Variants in WLS observed in about 807,000 individuals in gnomAD.
WLS encodes protein wntless homolog.
WLS carries 23 observed loss-of-function variants against 62.8 expected under a neutral mutation model. That is an observed-to-expected ratio of 0.37 (90% CI 0.26 to 0.52). The LOEUF (loss-of-function observed/expected upper bound fraction) is 0.52, where lower values mean the gene tolerates loss of function less well. Among genes scored for constraint, WLS ranks in the 20% least tolerant of loss-of-function variants. The probability of loss-of-function intolerance (pLI) is 0.92; values close to 1 mark genes in which losing one functional copy is unlikely to be tolerated. For synonymous variants in WLS, 246 were observed against 244.1 expected (o/e 1.01, Z -0.07); for missense variants, 615 against 697.3 (o/e 0.88, Z 1.33).
In WLS at chr1:68,197,692, A is replaced by G. The variant is rs149046697; in HGVS notation, c.107-3465T>C. On this transcript the variant is annotated intron_variant, in intron 1 of 11. Coordinates refer to ENST00000262348, the MANE Select transcript of WLS (RefSeq NM_024911.7). ...ATAGACAGCATTATCACGTAAACCA[A>G]AAGCAAAGCTTACAGCTGGTAGCTG... is the stretch of plus-strand genomic sequence containing the variant. Among the ~76,000 whole-genome samples the G allele has an allele frequency of 5.0e-4, 76 of 152,302 alleles. No individual in the cohort carries two copies. In the East Asian group the frequency reaches 0.013, roughly 27 times the overall value.
intron 2 of WLS, among the ~76,000 whole-genome samples, chr1:68,181,781 T>C (rs1273871779): frequency 6.6e-6 from 1 of 152,212 alleles, no homozygotes; most frequent in Non-Finnish European, 1.5e-5. Flanking sequence ...ATTAGTGCTT[T>C]AACTTGGGTC....
At chr1:68,154,952 C>A in intron 4 of WLS, 147 bp downstream of exon 4, 1 of 891,800 alleles carries the variant, frequency 1.1e-6, no homozygotes, top group Non-Finnish European at 1.7e-6. Flanking sequence ...TAATCTCTCA[C>A]ACAAATTAGT....
intron 11 of WLS, among the ~76,000 whole-genome samples, chr1:68,102,155 T>A (rs1475075539): frequency 6.6e-6 from 1 of 152,190 alleles, no homozygotes; most frequent in Non-Finnish European, 1.5e-5. Flanking sequence ...CCCTCCTCCC[T>A]GTGTTAGAGG....
At chr1:68,140,552 C>T (rs1394440222) in intron 10 of WLS, among the ~76,000 whole-genome samples, 1 of 152,124 alleles carries the variant, frequency 6.6e-6, no homozygotes, top group Non-Finnish European at 1.5e-5. Context: ...ATGAGATGCC[C>T]ATAGTATGAG....
At chr1:68,173,819 A>G (rs1246591462) in intron 2 of WLS, among the ~76,000 whole-genome samples, 2 of 152,178 alleles carry the variant, frequency 1.3e-5, no homozygotes, top group Admixed American at 6.5e-5. Flanking sequence ...TGACTTCTTC[A>G]TACATCCCCT....
At chr1:68,150,156 TAC>T in intron 6 of WLS, 30 bp downstream of exon 6, 1 of 1,608,614 alleles carries the variant, frequency 6.2e-7, no homozygotes, top group Non-Finnish European at 8.5e-7. Context: ...GAGCAGCTGG[TAC>T]AGACGTCTGT....
At chr1:68,229,572 C>T (rs1195775723) in intron 1 of WLS, among the ~76,000 whole-genome samples, 1 of 152,202 alleles carries the variant, frequency 6.6e-6, no homozygotes, top group African/African-American at 2.4e-5. Flanking sequence ...ACTACTGTCT[C>T]CGCTTGCCCA....
intron 11 of WLS, among the ~76,000 whole-genome samples, chr1:68,107,357 CAG>C (rs1042059453): frequency 4.0e-5 from 6 of 151,490 alleles, no homozygotes; most frequent in Non-Finnish European, 5.9e-5. Flanking sequence ...TTTTTATTGT[CAG>C]AGAGCAAAAG....
intron 10 of WLS, among the ~76,000 whole-genome samples, chr1:68,143,642 G>A (rs1323891896): frequency 2.0e-5 from 3 of 152,174 alleles, no homozygotes; most frequent in Non-Finnish European, 4.4e-5. Flanking sequence ...GGAGCAATAG[G>A]TTACACCATA....
intron 11 of WLS, among the ~76,000 whole-genome samples, chr1:68,114,844 TG>T (rs539941080): frequency 4.3e-4 from 66 of 152,334 alleles, no homozygotes; most frequent in African/African-American, 1.5e-3. Flanking sequence ...GAACCCCCTC[TG>T]GGGGTGCCAC....
chr1:68,232,149 C>G (rs957877906), intron 1 of WLS, 45 bp downstream of exon 1: 3 of 1,612,242 alleles, frequency 1.9e-6, no homozygotes, highest in African/African-American at 1.3e-5. Context: ...GGAAGGGGCC[C>G]GAAAAGACAG....
rs1243012730 is a variant in WLS, at chr1:68,196,153, AAAT to A, written c.107-1929_107-1927del. Among the ~76,000 whole-genome samples, 5 of 151,242 alleles carry A rather than the reference AAAT, an allele frequency of 3.3e-5. No individual in the cohort carries two copies. In the East Asian group the frequency reaches 9.6e-4, roughly 29 times the overall value. On this transcript the variant is annotated intron_variant, in intron 1 of 11. Coordinates refer to ENST00000262348, the MANE Select transcript of WLS (RefSeq NM_024911.7). Reference sequence around the variant, plus strand: ...ATATTGAAGATTAAATTAAATTTATAAATAATAAATATATAATAATAAATTAAT... The same window carrying A: ...ATATTGAAGATTAAATTAAATTTATAAATAAATATATAATAATAAATTAAT...
At chr1:68,207,857 C>T (rs1649348676) in intron 1 of WLS, among the ~76,000 whole-genome samples, 1 of 152,162 alleles carries the variant, frequency 6.6e-6, no homozygotes, top group Admixed American at 6.5e-5. Context: ...ATAGTGAAGC[C>T]TTAATGAATG....
At chr1:68,107,503 C>G (rs569245022) in intron 11 of WLS, among the ~76,000 whole-genome samples, 1 of 152,312 alleles carries the variant, frequency 6.6e-6, no homozygotes, top group East Asian at 1.9e-4. Context: ...AGCTCAACCT[C>G]TTTGCCTCAG....
intron 2 of WLS, among the ~76,000 whole-genome samples, chr1:68,171,540 T>C (rs1237550872): frequency 6.6e-6 from 1 of 152,140 alleles, no homozygotes; most frequent in Non-Finnish European, 1.5e-5. Context: ...AAGATTCTAA[T>C]GCAGCCAACA....
chr1:68,214,009 A>G (rs1235251720), intron 1 of WLS, among the ~76,000 whole-genome samples: 3 of 152,082 alleles, frequency 2.0e-5, no homozygotes, highest in South Asian at 4.1e-4. Flanking sequence ...TGCCTTCAGG[A>G]TCTTCATTTC....
chr1:68,162,952 C>G, intron 2 of WLS: 1 of 1,591,262 alleles, frequency 6.3e-7, no homozygotes, highest in Non-Finnish European at 8.6e-7. Context: ...ATGGGCATCT[C>G]CACAGTGCAG....
At chr1:68,158,398 C>T (rs534384837) in intron 3 of WLS, among the ~76,000 whole-genome samples, 32 of 152,216 alleles carry the variant, frequency 2.1e-4, no homozygotes, top group African/African-American at 7.2e-4. Flanking sequence ...CTCCTAGTGG[C>T]CCATCTGGTT....
intron 11 of WLS, among the ~76,000 whole-genome samples, chr1:68,111,225 T>G (rs1646225163): frequency 6.6e-6 from 1 of 152,226 alleles, no homozygotes; most frequent in Non-Finnish European, 1.5e-5. Context: ...TATATAAGCC[T>G]TTGGGGACCA....
Sources: allele counts gnomAD v4.1 joint callset (sites outside exome capture counted in the v4.1 genomes callset), GRCh38; gene constraint gnomAD v4.1.1; transcripts MANE v1.5; gene names NCBI Gene and HGNC (gene_info 2026-07-23, HGNC 2026-07-21).